Variants in ASB3 observed in about 807,000 individuals in gnomAD.
The protein encoded by ASB3 is ankyrin repeat and SOCS box containing 3.
ASB3 carries 41 observed loss-of-function variants against 54.5 expected under a neutral mutation model. The observed-to-expected ratio is 0.75, with a 90% confidence interval of 0.59 to 0.98. ASB3 has a LOEUF of 0.98. Among genes scored for constraint, ASB3 ranks in the 50% least tolerant of loss-of-function variants. The probability of loss-of-function intolerance (pLI) is 0.00; values close to 1 mark genes in which losing one functional copy is unlikely to be tolerated. For missense variants in ASB3, 733 were observed against 620.0 expected, an observed-to-expected ratio of 1.18 and a Z score of -1.94; for synonymous variants, 266 against 221.2, an observed-to-expected ratio of 1.20 and a Z score of -1.80.
At position 53,784,482 on chromosome 2, in the gene ASB3, T is replaced by C. The variant is rs1267552015; in HGVS notation, c.-14+2339A>G. 2.6e-5 allele frequency among the ~76,000 whole-genome samples: 4 copies of C among 152,318 alleles called. No individual in the cohort carries two copies. The East Asian group carries it at 7.7e-4, about 29-fold the overall frequency. ...GAGCAGCTTAGACAGCATAAATTGATTGTCTCACAATTCTAGAAACTAGAG... is the reference window on the plus strand; with the variant it reads ...GAGCAGCTTAGACAGCATAAATTGACTGTCTCACAATTCTAGAAACTAGAG... On this transcript the variant is annotated intron_variant, in intron 1 of 9. Transcript: ENST00000263634.
intron 7 of ASB3, among the ~76,000 whole-genome samples, chr2:53,701,203 G>A (rs184569032): frequency 3.9e-5 from 6 of 152,042 alleles, no homozygotes; most frequent in Admixed American, 3.3e-4. Flanking sequence ...TCAAACTCCT[G>A]GCCTCAATGA....
At chr2:53,769,167 G>A (rs555307385) in intron 1 of ASB3, among the ~76,000 whole-genome samples, 1 of 152,194 alleles carries the variant, frequency 6.6e-6, no homozygotes, top group African/African-American at 2.4e-5. Context: ...GAATGTTCTA[G>A]AACAATATTC....
rs559221201 is a variant in ASB3 at position 53,701,727 on chromosome 2, T to C, written c.981-1199A>G. Among the ~76,000 whole-genome samples, 7 of 152,378 alleles carry C rather than the reference T, an allele frequency of 4.6e-5. No homozygotes were observed. In the East Asian group the frequency reaches 1.3e-3, roughly 29 times the overall value. ...GTTACATTTCCAAATATATGCTCAA[T>C]GTTTTTATTCAACTTTCAGATACTT... On this transcript the variant is annotated intron_variant, in intron 7 of 9. Coordinates refer to ENST00000263634, the MANE Select transcript of ASB3 (RefSeq NM_016115.5).
chr2:53,714,104 A>C (rs1436558002), intron 7 of ASB3, among the ~76,000 whole-genome samples: 2 of 152,188 alleles, frequency 1.3e-5, no homozygotes, highest in Non-Finnish European at 2.9e-5. Context: ...CAAAAATATC[A>C]GCAAATTTCT....
intron 1 of ASB3, chr2:53,768,032 G>C (rs1464871139): frequency 1.2e-6 from 2 of 1,612,232 alleles, no homozygotes; most frequent in Admixed American, 1.7e-5. Context: ...GTGAGGCGCC[G>C]GTCAGCTCCC....
chr2:53,780,647 A>C (rs368869335), intron 1 of ASB3, among the ~76,000 whole-genome samples: 1 of 152,074 alleles, frequency 6.6e-6, no homozygotes, highest in Non-Finnish European at 1.5e-5. Context: ...GCATAGTGGC[A>C]CATGTCTGCA....
chr2:53,693,763 A>G, intron 9 of ASB3, 121 bp downstream of exon 9: 1 of 1,396,070 alleles, frequency 7.2e-7, no homozygotes, highest in Non-Finnish European at 9.5e-7. Context: ...TCACATAAGA[A>G]AATGCAAATT....
At chr2:53,778,418 A>C (rs1221414096) in intron 1 of ASB3, among the ~76,000 whole-genome samples, 1 of 151,490 alleles carries the variant, frequency 6.6e-6, no homozygotes, top group African/African-American at 2.5e-5. Flanking sequence ...TTTTGTAGTG[A>C]AAACTTTTAA....
At position 53,711,635 on chromosome 2, in the gene ASB3, A is replaced by G. The variant is rs139871911; in HGVS notation, c.980+2749T>C. 2.8e-4 allele frequency among the ~76,000 whole-genome samples: 42 copies of G among 152,274 alleles called. No homozygotes were observed. In the East Asian group the frequency reaches 7.2e-3, roughly 26 times the overall value. On this transcript the variant is annotated intron_variant, in intron 7 of 9. Coordinates refer to ENST00000263634, the MANE Select transcript of ASB3 (RefSeq NM_016115.5). ...TTTAAAATACAAAAAGTAGCTGAGC[A>G]TGGTGGCACATGCCTACAATCCCAG... is the stretch of plus-strand genomic sequence containing the variant.
intron 9 of ASB3, among the ~76,000 whole-genome samples, chr2:53,676,924 A>G (rs922155229): frequency 1.3e-5 from 2 of 152,000 alleles, no homozygotes; most frequent in African/African-American, 4.8e-5. Context: ...GCCTGCCACC[A>G]TGCCCGATTA....
chr2:53,687,683 ATGTCCTTTAAAAAC>A (rs752798849), intron 9 of ASB3, among the ~76,000 whole-genome samples: 104 of 152,236 alleles, frequency 6.8e-4, no homozygotes, highest in Admixed American at 5.2e-4. Flanking sequence ...TTTATTGAAC[ATGTCCTTTAAAAAC>A]TGTAAGTTAG....
chr2:53,771,236 C>T (rs1187225207), intron 1 of ASB3, among the ~76,000 whole-genome samples: 1 of 152,062 alleles, frequency 6.6e-6, no homozygotes, highest in Non-Finnish European at 1.5e-5. Context: ...AACTATAGGC[C>T]GGGTGCGGTG....
chr2:53,713,222 T>C (rs543473590), intron 7 of ASB3, among the ~76,000 whole-genome samples: 55 of 152,304 alleles, frequency 3.6e-4, no homozygotes, highest in African/African-American at 1.0e-3. Flanking sequence ...TAATTTTACA[T>C]GGCAAATGTT....
At chr2:53,678,290 A>G (rs939996100) in intron 9 of ASB3, among the ~76,000 whole-genome samples, 5 of 152,070 alleles carry the variant, frequency 3.3e-5, no homozygotes, top group African/African-American at 1.2e-4. Flanking sequence ...TTTGACCTAC[A>G]TCTTTTCATT....
intron 6 of ASB3, among the ~76,000 whole-genome samples, chr2:53,716,295 C>T (rs1342036375): frequency 6.6e-6 from 1 of 152,022 alleles, no homozygotes; most frequent in Non-Finnish European, 1.5e-5. Context: ...ACAGCCATAA[C>T]TAGAGAAATC....
In ASB3 at chr2:53,714,464, G is replaced by C; in HGVS notation, c.900C>G (p.Leu300=). The change falls in exon 7 of 10, where the codon CTC becomes CTG. Residue 300 remains leucine (L), a synonymous_variant. Transcript: ENST00000263634. ...GGHEDCLEIL[L]RNGYSPDAQA... Reference sequence around the variant, plus strand: ...GGGCGTCTGGGCTGTAGCCATTCCGGAGTAATATTTCTAGGCAATCTTCAT... The same window carrying C: ...GGGCGTCTGGGCTGTAGCCATTCCGCAGTAATATTTCTAGGCAATCTTCAT... 6.2e-7 allele frequency: 1 copy of C among 1,614,220 alleles called. No individual in the cohort carries two copies. Among genetic ancestry groups the C allele is most frequent in the African/African-American group, 1.3e-5 (1 of 75,076 alleles).
At chr2:53,702,726 G>T (rs925991284) in intron 7 of ASB3, among the ~76,000 whole-genome samples, 1 of 152,254 alleles carries the variant, frequency 6.6e-6, no homozygotes, top group Non-Finnish European at 1.5e-5. Flanking sequence ...TCCGCTCCTT[G>T]AAGTTCAAAA....
chr2:53,740,869 C>T lies in ASB3; in HGVS notation c.355+9914G>A, dbSNP rs551290819. On this transcript the variant is annotated intron_variant, in intron 3 of 9. Coordinates refer to ENST00000263634, the MANE Select transcript of ASB3 (RefSeq NM_016115.5). ...ATTAAAAGACAAAAAGCTAAAATTC[C>T]ACTATCCTATTATATATTGTTTATT... Among the ~76,000 whole-genome samples, 21 of 152,236 alleles carry T rather than the reference C, an allele frequency of 1.4e-4. No homozygotes were observed. The East Asian group carries it at 4.1e-3, about 29-fold the overall frequency.
chr2:53,786,602 A>T (rs1166619811), intron 1 of ASB3: 1 of 152,382 alleles, frequency 6.6e-6, no homozygotes, highest in East Asian at 1.9e-4. Context: ...AAATGCGGAG[A>T]AAAAGAAGAA....
Sources: allele counts gnomAD v4.1 joint callset (sites outside exome capture counted in the v4.1 genomes callset), GRCh38; gene constraint gnomAD v4.1.1; transcripts MANE v1.5; gene names NCBI Gene and HGNC (gene_info 2026-07-23, HGNC 2026-07-21).